The following TSHZ2 variants were observed in gnomAD, a reference collection of about 807,000 sequenced individuals.
TSHZ2 encodes the protein teashirt zinc finger homeobox 2.
Under a neutral mutation model 74.4 loss-of-function variants are expected in TSHZ2, and 21 were observed. The observed-to-expected ratio is 0.28, with a 90% confidence interval of 0.20 to 0.41. TSHZ2 has a LOEUF of 0.41. Among genes scored for constraint, TSHZ2 ranks in the 10% least tolerant of loss-of-function variants. TSHZ2 has a pLI of 1.00. For missense variants in TSHZ2, 1,244 were observed against 1,293.5 expected, an observed-to-expected ratio of 0.96 and a Z score of 0.59; for synonymous variants, 540 against 515.3, an observed-to-expected ratio of 1.05 and a Z score of -0.65.
At chr20:53,210,264 T>G (rs1340774262) in intron 1 of TSHZ2, among the ~76,000 whole-genome samples, 5 of 152,206 alleles carry the variant, frequency 3.3e-5, no homozygotes, top group Non-Finnish European at 7.3e-5. Flanking sequence ...ACCCTCTGCC[T>G]TTTTGCAAGA....
At chr20:53,316,761 A>G (rs571624667) in intron 2 of TSHZ2, among the ~76,000 whole-genome samples, 1 of 152,282 alleles carries the variant, frequency 6.6e-6, no homozygotes, top group South Asian at 2.1e-4. Flanking sequence ...AGTAGTTGCT[A>G]CAGGACCCGT....
intron 1 of TSHZ2, among the ~76,000 whole-genome samples, chr20:53,150,742 AAAGG>A (rs1036682484): frequency 6.6e-6 from 1 of 152,070 alleles, no homozygotes; most frequent in South Asian, 2.1e-4. Context: ...AGGAGGGAAG[AAAGG>A]AAGGAAGGAG....
At chr20:53,323,609 T>C in intron 2 of TSHZ2, among the ~76,000 whole-genome samples, 1 of 126,764 alleles carries the variant, frequency 7.9e-6, no homozygotes, top group African/African-American at 2.9e-5. Context: ...AGAGTCATGC[T>C]CTGTCATCCA....
At chr20:53,455,412 C>T (rs1985020137) in intron 2 of TSHZ2, 1 of 152,008 alleles carries the variant, frequency 6.6e-6, no homozygotes. Flanking sequence ...AAATGTTTTC[C>T]CAATATTTAC....
At chr20:53,354,934 C>T (rs940672804) in intron 2 of TSHZ2, among the ~76,000 whole-genome samples, 3 of 152,092 alleles carry the variant, frequency 2.0e-5, no homozygotes, top group Non-Finnish European at 4.4e-5. Flanking sequence ...CAGATGTTGC[C>T]TTATAATGGT....
intron 2 of TSHZ2, among the ~76,000 whole-genome samples, chr20:53,364,338 A>AT (rs1442858898): frequency 7.2e-5 from 11 of 152,210 alleles, no homozygotes; most frequent in Non-Finnish European, 1.3e-4. Flanking sequence ...AAAGCTCTCC[A>AT]TATTTTTAAG....
chr20:52,976,998 A>G (rs573950755), intron 1 of TSHZ2, among the ~76,000 whole-genome samples: 1 of 152,328 alleles, frequency 6.6e-6, no homozygotes, highest in South Asian at 2.1e-4. Context: ...AGTAAACATT[A>G]GACTATTAGC....
intron 2 of TSHZ2, among the ~76,000 whole-genome samples, chr20:53,291,655 G>T (rs1451818540): frequency 6.6e-6 from 1 of 151,832 alleles, no homozygotes; most frequent in Non-Finnish European, 1.5e-5. Flanking sequence ...CAAGAGTTTT[G>T]CCAGGACTGT....
At chr20:53,380,489 C>T (rs1471751443) in intron 2 of TSHZ2, among the ~76,000 whole-genome samples, 5 of 152,216 alleles carry the variant, frequency 3.3e-5, no homozygotes, top group South Asian at 4.1e-4. Flanking sequence ...GTAAAAGTTG[C>T]TTCCCAAATG....
At chr20:53,031,782 C>T (rs147773025) in intron 1 of TSHZ2, among the ~76,000 whole-genome samples, 253 of 152,172 alleles carry the variant, frequency 1.7e-3, no homozygotes, top group African/African-American at 5.9e-3. Flanking sequence ...TCTGTAGCAC[C>T]ACATGGGAGA....
rs1164117376 is a variant in TSHZ2 at position 53,493,589 on chromosome 20, A to G, written c.*6454A>G. ...CCTTATTTATTCGGTTGCTGTTGTAATGGGGCCCCAGGCCATTCCTGACAT... is the reference window on the plus strand; with the variant it reads ...CCTTATTTATTCGGTTGCTGTTGTAGTGGGGCCCCAGGCCATTCCTGACAT... On this transcript the variant is annotated 3_prime_UTR_variant, in exon 3 of 3. Coordinates refer to ENST00000371497, the MANE Select transcript of TSHZ2 (RefSeq NM_173485.6). 1 of 152,116 alleles carries G rather than the reference A, an allele frequency of 6.6e-6. No homozygotes were observed. The highest frequency in any genetic ancestry group is 1.5e-5 in the Non-Finnish European group (1 of 68,012). 9.4% of individuals were successfully genotyped at this position (152,116 alleles called of 1,614,324 possible).
intron 1 of TSHZ2, among the ~76,000 whole-genome samples, chr20:53,095,631 A>G (rs1223864484): frequency 4.6e-5 from 7 of 152,218 alleles, no homozygotes; most frequent in African/African-American, 1.7e-4. Context: ...CTTCTACTGC[A>G]GGATTTTCAA....
intron 1 of TSHZ2, among the ~76,000 whole-genome samples, chr20:53,079,231 C>T (rs1985455883): frequency 1.3e-5 from 2 of 152,106 alleles, no homozygotes; most frequent in Admixed American, 6.5e-5. Flanking sequence ...TGAAAAAATG[C>T]ACACTGGACT....
At position 53,237,528 on chromosome 20, in the gene TSHZ2, C is replaced by T. The variant is rs376372269; in HGVS notation, c.41-15971C>T. ...GAGTGTGTGTGTGTGTGTGTGTGTG[C>T]GCGTGCATCTGAATTTCTTTCTTCT... On this transcript the variant is annotated intron_variant, in intron 1 of 2. Coordinates refer to ENST00000371497, the MANE Select transcript of TSHZ2 (RefSeq NM_173485.6). 1.6e-3 allele frequency among the ~76,000 whole-genome samples: 233 copies of T among 143,696 alleles called. 2 individuals carry two copies. Among genetic ancestry groups the T allele is most frequent in the Non-Finnish European group, 1.9e-3 (123 of 65,710 alleles). 94.3% of individuals were successfully genotyped at this position (143,696 alleles called of 152,430 possible). A position where few individuals can be genotyped will look rare whatever the true frequency, so the allele number is the denominator to read the frequency against.
chr20:53,027,316 C>G lies in TSHZ2; in HGVS notation c.40+53983C>G, dbSNP rs960009334. Among the ~76,000 whole-genome samples, 60 of 152,112 alleles carry G rather than the reference C, an allele frequency of 3.9e-4. 1 individual carries two copies. The highest frequency in any genetic ancestry group is 1.3e-3 in the African/African-American group (54 of 41,410). ...ACATACACACATATCCATATATGCTCATATATGTATTTATGTATGAAGCAA... is the reference window on the plus strand; with the variant it reads ...ACATACACACATATCCATATATGCTGATATATGTATTTATGTATGAAGCAA... On this transcript the variant is annotated intron_variant, in intron 1 of 2. Coordinates refer to ENST00000371497, the MANE Select transcript of TSHZ2 (RefSeq NM_173485.6).
At chr20:53,158,012 G>C (rs1457099894) in intron 1 of TSHZ2, among the ~76,000 whole-genome samples, 1 of 152,156 alleles carries the variant, frequency 6.6e-6, no homozygotes. Context: ...ATTGTGAATT[G>C]CTGCTGCCTT....
rs78039186 is a variant in TSHZ2, at chr20:53,154,316, G to T, written c.41-99183G>T. The stretch of plus-strand genomic sequence containing the variant: ...AAAAAAATTTTTTTAAGAAGTAAAT[G>T]TTTTTTTAACATTGCTCCTATGTAT... On this transcript the variant is annotated intron_variant, in intron 1 of 2. Transcript: ENST00000371497. Among the ~76,000 whole-genome samples the T allele has an allele frequency of 2.5e-3, 257 of 102,862 alleles. 1 individual carries two copies. Among genetic ancestry groups the T allele is most frequent in the African/African-American group, 8.0e-3 (246 of 30,936 alleles). The allele number at this position is 102,862 out of a possible 152,430, so 67.5% of individuals were successfully genotyped here. A position where few individuals can be genotyped will look rare whatever the true frequency, so the allele number is the denominator to read the frequency against.
intron 2 of TSHZ2, among the ~76,000 whole-genome samples, chr20:53,363,674 G>T (rs186289112): frequency 6.6e-6 from 1 of 152,214 alleles, no homozygotes; most frequent in Non-Finnish European, 1.5e-5. Context: ...GTGACTGGGC[G>T]TGGTGGCTCA....
rs547709826 is a variant in TSHZ2 at position 53,033,165 on chromosome 20, G to A, written c.40+59832G>A. Among the ~76,000 whole-genome samples the A allele has an allele frequency of 3.3e-5, 5 of 152,218 alleles. 1 individual carries two copies. The South Asian group carries it at 8.3e-4, about 25-fold the overall frequency. On this transcript the variant is annotated intron_variant, in intron 1 of 2. Transcript: ENST00000371497. ...CTGGTATTATTTTTTCCCCAAAATC[G>A]TTAGCAAAAAGACTATTGTGCCATC...
Sources: allele counts gnomAD v4.1 joint callset (sites outside exome capture counted in the v4.1 genomes callset), GRCh38; gene constraint gnomAD v4.1.1; transcripts MANE v1.5; gene names NCBI Gene and HGNC (gene_info 2026-07-23, HGNC 2026-07-21).